Variants in MVK observed in about 807,000 individuals in gnomAD.
MVK encodes the protein LH receptor mRNA-binding protein.
MVK carries 34 observed loss-of-function variants against 43.2 expected under a neutral mutation model. The ratio of observed to expected loss-of-function variants is 0.79; its 90% CI spans 0.60 to 1.05. The LOEUF is 1.05. Among genes scored for constraint, MVK ranks in the 50% least tolerant of loss-of-function variants. The pLI, the probability that MVK is intolerant of heterozygous loss-of-function variation, is 0.00. For missense variants in MVK, 395 were observed against 504.0 expected, an observed-to-expected ratio of 0.78 and a Z score of 2.07; for synonymous variants, 190 against 219.8, an observed-to-expected ratio of 0.86 and a Z score of 1.20.
intron 9 of MVK, among the ~76,000 whole-genome samples, chr12:109,593,057 C>T (rs1392188163): frequency 1.3e-5 from 2 of 152,244 alleles, no homozygotes; most frequent in African/African-American, 4.8e-5. Context: ...TGCACTCAAA[C>T]CAGCGAACTG....
intron 7 of MVK, 52 bp from the exon 8 acceptor site, chr12:109,590,719 C>A (rs1187017143): frequency 5.1e-6 from 8 of 1,560,420 alleles, no homozygotes; most frequent in Non-Finnish European, 7.1e-6. Flanking sequence ...AGTCCTGTCC[C>A]AGCTCCTCCA....
chr12:109,576,704 C>T (rs146689114), intron 3 of MVK, among the ~76,000 whole-genome samples: 38 of 152,078 alleles, frequency 2.5e-4, no homozygotes, highest in African/African-American at 8.9e-4. Flanking sequence ...AACCATGTCT[C>T]TACTAAAAAT....
intron 9 of MVK, among the ~76,000 whole-genome samples, chr12:109,592,307 T>C (rs1885722325): frequency 6.6e-6 from 1 of 152,090 alleles, no homozygotes; most frequent in Non-Finnish European, 1.5e-5. Flanking sequence ...GAGCCCAGGC[T>C]CCCCCTGGAC....
chr12:109,579,172 C>T (rs1289404355), intron 3 of MVK: 1 of 411,862 alleles, frequency 2.4e-6, no homozygotes, highest in Non-Finnish European at 4.8e-6. Context: ...CAGGGTCTCA[C>T]TCTGTTATGC....
chr12:109,583,257 T>C (rs1885303951), intron 5 of MVK, among the ~76,000 whole-genome samples: 2 of 151,510 alleles, frequency 1.3e-5, no homozygotes, highest in African/African-American at 4.9e-5. Flanking sequence ...TCTCCCCCCA[T>C]CCCACCACAG....
At chr12:109,573,371 G>A (rs756081192), upstream of MVK, 1 of 1,613,104 alleles carries the variant, frequency 6.2e-7, no homozygotes, top group Non-Finnish European at 8.5e-7. Context: ...CACGCCCTGA[G>A]GGCCGCGGCT....
rs1368863401 is a variant in MVK at position 109,596,892 on chromosome 12, C to G, written c.*315C>G. 2.2e-6 allele frequency: 1 copy of G among 454,078 alleles called. No individual in the cohort carries two copies. Among genetic ancestry groups the G allele is most frequent in the Non-Finnish European group, 4.1e-6 (1 of 245,512 alleles). 28.1% of individuals were successfully genotyped at this position (454,078 alleles called of 1,614,324 possible). On this transcript the variant is annotated 3_prime_UTR_variant, in exon 11 of 11. Coordinates refer to ENST00000228510, the MANE Select transcript of MVK (RefSeq NM_000431.4). ...CATCTGCTTCAGGCCCCCGCCTTGG[C>G]CTGTGTTCTTCCTGGCCGCCTGGGT...
chr12:109,573,350 TC>T (rs1884733876), upstream of MVK: 1 of 1,613,164 alleles, frequency 6.2e-7, no homozygotes, highest in Non-Finnish European at 8.5e-7. Context: ...CACTCACCTG[TC>T]CCCGTCTTCC....
chr12:109,591,227 C>G lies in MVK; in HGVS notation c.769-14C>G. ...CCCCAGGCCTCACCAGCCGTTCCTTCTTTTTTTCTCCAGTTCCCAGAGATC... is the reference window on the plus strand; with the variant it reads ...CCCCAGGCCTCACCAGCCGTTCCTTGTTTTTTTCTCCAGTTCCCAGAGATC... On this transcript the variant is annotated splice_polypyrimidine_tract_variant and intron_variant, in intron 8 of 10. Transcript: ENST00000228510. 1.2e-6 allele frequency: 2 copies of G among 1,613,192 alleles called. No individual in the cohort carries two copies. The highest frequency in any genetic ancestry group is 1.1e-5 in the South Asian group (1 of 91,064).
chr12:109,588,386 C>A (rs1291941895), intron 7 of MVK: 1 of 152,252 alleles, frequency 6.6e-6, no homozygotes, highest in Non-Finnish European at 1.5e-5. Flanking sequence ...TGGACTAGGC[C>A]CTGGAGCTAG....
chr12:109,573,873 G>A lies in MVK; in HGVS notation c.-15G>A, dbSNP rs567278499. The A allele has an allele frequency of 9.6e-5, 20 of 208,018 alleles. No homozygotes were observed. The highest frequency in any genetic ancestry group is 9.4e-4 in the East Asian group (6 of 6,378). 12.9% of individuals were successfully genotyped at this position (208,018 alleles called of 1,614,324 possible). ...GGCCGGGGAGGCGGCGGCGGCGGCA[G>A]GTGAGAGGCCGGGGTCGGGCGGCCG... On this transcript the variant is annotated splice_region_variant and 5_prime_UTR_variant, in exon 1 of 11. Transcript: ENST00000228510.
At chr12:109,590,992 GT>G in intron 8 of MVK, 131 bp downstream of exon 8, 4 of 1,060,984 alleles carry the variant, frequency 3.8e-6, no homozygotes, top group Admixed American at 2.0e-5. Context: ...TAGGGAGGTG[GT>G]TTTGGCAGAA....
At chr12:109,582,307 G>A (rs1486758608) in intron 5 of MVK, among the ~76,000 whole-genome samples, 2 of 97,238 alleles carry the variant, frequency 2.1e-5, no homozygotes, top group African/African-American at 5.3e-5. Flanking sequence ...TGTTTTCTGA[G>A]CTTGGTTTTT....
At chr12:109,586,983 T>G in intron 7 of MVK, 184 bp downstream of exon 7, 1 of 654,402 alleles carries the variant, frequency 1.5e-6, no homozygotes, top group Non-Finnish European at 2.7e-6. Context: ...TGCTCTCTCC[T>G]TCTCCCCTTC....
intron 7 of MVK, chr12:109,587,013 T>G: frequency 3.4e-6 from 2 of 590,440 alleles, no homozygotes; most frequent in Non-Finnish European, 6.1e-6. Context: ...ATTGCAGAGA[T>G]ATCAGAAAGG....
At chr12:109,578,418 G>A (rs1341849469) in intron 3 of MVK, among the ~76,000 whole-genome samples, 6 of 145,036 alleles carry the variant, frequency 4.1e-5, no homozygotes, top group Non-Finnish European at 6.0e-5. Flanking sequence ...CACTTATTGG[G>A]CACTTACGTG....
At position 109,595,250 on chromosome 12, in the gene MVK, C is replaced by T. The variant is rs1022797618; in HGVS notation, c.1039+69C>T. On this transcript the variant is annotated intron_variant, in intron 10 of 10. Coordinates refer to ENST00000228510, the MANE Select transcript of MVK (RefSeq NM_000431.4). This position sits in a 1 kb window ranked among gnomAD's most constrained non-coding sequence, Gnocchi z 5.9. ...AAGAGGGGTCCACCTGGAGAATTCC[C>T]TTGAAAGGAAAAAGAGACCTGGAAA... 3 of 1,590,840 alleles carry T rather than the reference C, an allele frequency of 1.9e-6. No individual in the cohort carries two copies. The highest frequency in any genetic ancestry group is 2.6e-6 in the Non-Finnish European group (3 of 1,171,150).
chr12:109,591,424 A>C, intron 9 of MVK, 67 bp downstream of exon 9: 1 of 1,459,706 alleles, frequency 6.9e-7, no homozygotes, highest in Non-Finnish European at 9.6e-7. Flanking sequence ...GTGGCTCTGC[A>C]ATCTGGCTGT....
Position 109,596,543 on chromosome 12 carries a change from ACAGCCGAGTC to A in MVK, c.1162_1171del (p.Arg388LysfsTer86), listed in dbSNP as rs1374816553. On this transcript the variant is annotated frameshift_variant, in exon 11 of 11. Coordinates refer to ENST00000228510, the MANE Select transcript of MVK (RefSeq NM_000431.4). LOFTEE classifies it high-confidence loss of function. ...TCCATCCACTCAGCCACCTCCCTGG[ACAGCCGAGTC>A]CAGCAAGCCCTGGATGGCCTCTGAG... 1 of 1,611,724 alleles carries A rather than the reference ACAGCCGAGTC, an allele frequency of 6.2e-7. No individual in the cohort carries two copies. The highest frequency in any genetic ancestry group is 8.5e-7 in the Non-Finnish European group (1 of 1,179,934).
Sources: gnomAD v4.1 joint callset for allele counts (sites outside exome capture counted in the v4.1 genomes callset) on GRCh38, gnomAD v4.1.1 for gene constraint, Gnocchi (gnomAD v3.1) non-coding constraint, MANE v1.5 for transcripts, NCBI Gene and HGNC (gene_info 2026-07-23, HGNC 2026-07-21) for gene names.